The following EIF3I variants were observed in gnomAD, a reference collection of about 807,000 sequenced individuals.
EIF3I encodes eukaryotic translation initiation factor 3 subunit I, also known as TGF-beta receptor-interacting protein 1.
Under a neutral mutation model 43.3 loss-of-function variants are expected in EIF3I, and 20 were observed. The ratio of observed to expected loss-of-function variants is 0.46; its 90% CI spans 0.32 to 0.67. The LOEUF (loss-of-function observed/expected upper bound fraction) is 0.67. Ranked by LOEUF, EIF3I falls within the 30% of genes least tolerant of loss-of-function variation. The pLI, the probability that EIF3I is intolerant of heterozygous loss-of-function variation, is 0.03. For synonymous variants in EIF3I, 167 were observed against 151.7 expected, an observed-to-expected ratio of 1.10 and a Z score of -0.74; for missense variants, 279 against 421.4, an observed-to-expected ratio of 0.66 and a Z score of 2.96.
intron 3 of EIF3I, 105 bp from the exon 4 acceptor site, chr1:32,224,304 AG>A: frequency 9.0e-7 from 1 of 1,114,484 alleles, no homozygotes; most frequent in African/African-American, 1.5e-5. Context: ...AGGAGGTAAG[AG>A]GGGTAGAAAG....
intron 8 of EIF3I, 106 bp from the exon 9 acceptor site, chr1:32,229,029 C>A (rs1416152473): frequency 9.5e-6 from 12 of 1,260,066 alleles, no homozygotes; most frequent in Non-Finnish European, 1.3e-5. Context: ...CCTTTGGTAT[C>A]CTCCCATTGA....
chr1:32,228,330 C>A (rs1454010139), intron 6 of EIF3I, among the ~76,000 whole-genome samples, 169 bp from the exon 7 acceptor site: 5 of 152,144 alleles, frequency 3.3e-5, no homozygotes, highest in Non-Finnish European at 5.9e-5. Flanking sequence ...ATAGGATGTA[C>A]ATTACTGGAC....
chr1:32,222,749 G>C (rs1639041636), intron 2 of EIF3I, 119 bp downstream of exon 2: 1 of 999,084 alleles, frequency 1.0e-6, no homozygotes, highest in Non-Finnish European at 1.5e-6. Context: ...GAGAAGTAGG[G>C]AGAGGCCATG....
rs1639040541 is a variant in EIF3I at position 32,222,719 on chromosome 1, A to C, written c.96+89A>C. On this transcript the variant is annotated intron_variant, in intron 2 of 11. Transcript: ENST00000676679. ...ACGCCAGTTTTGCCGTTAGCGGGGA[A>C]CCAAAGAGCAGCCCATTGTGAGAAG... The C allele has an allele frequency of 4.6e-6, 6 of 1,316,334 alleles. No individual in the cohort carries two copies. In the East Asian group the frequency reaches 1.4e-4, roughly 30 times the overall value. The allele number at this position is 1,316,334 out of a possible 1,614,324, so 81.5% of individuals were successfully genotyped here.
At chr1:32,224,234 C>G (rs1639102863) in intron 3 of EIF3I, 113 bp downstream of exon 3, 2 of 1,152,334 alleles carry the variant, frequency 1.7e-6, no homozygotes, top group Non-Finnish European at 1.3e-6. Flanking sequence ...ACGATACCTC[C>G]TACTCCCTGG....
intron 6 of EIF3I, among the ~76,000 whole-genome samples, chr1:32,226,824 CTTTTTTTTTTTTTTTTTTT>C (rs1216197071): frequency 1.3e-5 from 1 of 78,622 alleles, no homozygotes; most frequent in African/African-American, 5.4e-5. Flanking sequence ...CCGCTCGTGG[CTTTTTTTTTTTTTTTTTTT>C]TTTTTTTGAG....
chr1:32,231,597 G>A, downstream of EIF3I: 1 of 183,364 alleles, frequency 5.5e-6, no homozygotes, highest in South Asian at 1.0e-4. Flanking sequence ...ATGGCTTCTG[G>A]TCAGATATTT....
downstream of EIF3I, among the ~76,000 whole-genome samples, chr1:32,235,829 C>G (rs985619435): frequency 2.0e-5 from 3 of 152,218 alleles, no homozygotes; most frequent in Admixed American, 6.5e-5. Context: ...CCCGGTCTGA[C>G]AAGAAAAACA....
chr1:32,223,954 C>A, intron 2 of EIF3I, 80 bp from the exon 3 acceptor site: 1 of 1,262,280 alleles, frequency 7.9e-7, no homozygotes, highest in Non-Finnish European at 1.2e-6. Flanking sequence ...TTGCTACAGG[C>A]TGCTGAGGGT....
At chr1:32,226,013 A>T in intron 4 of EIF3I, 158 bp from the exon 5 acceptor site, 1 of 978,582 alleles carries the variant, frequency 1.0e-6, no homozygotes, top group Non-Finnish European at 1.4e-6. Flanking sequence ...ACAGAGTGAA[A>T]CTGTCTCAAA....
intron 10 of EIF3I, 55 bp from the exon 10 acceptor site, chr1:32,230,872 C>A: frequency 7.2e-7 from 1 of 1,383,072 alleles, no homozygotes; most frequent in South Asian, 1.3e-5. Flanking sequence ...GTGCCACCTC[C>A]AAAGTGTTTT....
chr1:32,225,971 C>T lies in EIF3I; in HGVS notation c.251-200C>T, dbSNP rs188077512. ...GGGAGGCGGAGCTTGCAGTGAGAGCCGAGATTGCACCACTGCACTCCAGCC... is the reference window on the plus strand; with the variant it reads ...GGGAGGCGGAGCTTGCAGTGAGAGCTGAGATTGCACCACTGCACTCCAGCC... On this transcript the variant is annotated intron_variant, in intron 4 of 11. Transcript: ENST00000676679. Among the ~76,000 whole-genome samples, 353 of 151,362 alleles carry T rather than the reference C, an allele frequency of 2.3e-3. 1 individual carries two copies. Among genetic ancestry groups the T allele is most frequent in the African/African-American group, 8.2e-3 (336 of 41,222 alleles).
exon 12 of EIF3I, chr1:32,231,127 C>T (rs778273770): frequency 5.0e-6 from 8 of 1,614,106 alleles, no homozygotes; most frequent in South Asian, 1.1e-5. Context: ...ACAGCAGCGG[C>T]GGCGAAGATG....
downstream of EIF3I, among the ~76,000 whole-genome samples, chr1:32,235,822 G>A (rs955564103): frequency 3.3e-5 from 5 of 152,220 alleles, no homozygotes; most frequent in South Asian, 2.1e-4. Flanking sequence ...GGGGAGCCCC[G>A]GTCTGACAAG....
chr1:32,228,922 GCAGAGAGGAGATGCC>G, intron 8 of EIF3I, 106 bp downstream of exon 8: 2 of 1,138,950 alleles, frequency 1.8e-6, no homozygotes, highest in South Asian at 2.8e-5. Context: ...ATGATGTCAG[GCAGAGAGGAGATGCC>G]CAGAGGAGTG....
At chr1:32,231,668 A>T (rs1639239554), downstream of EIF3I, 1 of 170,682 alleles carries the variant, frequency 5.9e-6, no homozygotes, top group Non-Finnish European at 1.2e-5. Flanking sequence ...GATGCTGATC[A>T]TGGAGACTTT....
Position 32,229,228 on chromosome 1 carries a change from T to C in EIF3I, c.803+20T>C, listed in dbSNP as rs1372916437. The C allele has an allele frequency of 1.2e-6, 2 of 1,606,782 alleles. No individual in the cohort carries two copies. Among genetic ancestry groups the C allele is most frequent in the Non-Finnish European group, 1.7e-6 (2 of 1,177,196 alleles). ...GGCCAGGTAAAGAAGAAGAGAGCTC[T>C]TCCAAATTAAAATCTCATGTGGTGT... is the stretch of plus-strand genomic sequence containing the variant. On this transcript the variant is annotated intron_variant, in intron 9 of 11. Transcript: ENST00000676679.
intron 6 of EIF3I, among the ~76,000 whole-genome samples, chr1:32,227,902 A>G (rs964423716): frequency 6.6e-6 from 1 of 152,238 alleles, no homozygotes; most frequent in Non-Finnish European, 1.5e-5. Context: ...CCCTTCCCCC[A>G]TGGGGAGACA....
chr1:32,229,381 G>A (rs1404365715), intron 9 of EIF3I, among the ~76,000 whole-genome samples, 173 bp downstream of exon 9: 4 of 148,066 alleles, frequency 2.7e-5, no homozygotes, highest in African/African-American at 5.0e-5. Flanking sequence ...CTGCCTCAGC[G>A]GCCCAGGCGC....
Sources: gnomAD v4.1 joint callset for allele counts (sites outside exome capture counted in the v4.1 genomes callset) on GRCh38, gnomAD v4.1.1 for gene constraint, MANE v1.5 for transcripts, NCBI Gene and HGNC (gene_info 2026-07-23, HGNC 2026-07-21) for gene names.